Variants in ARHGEF11 observed in about 807,000 individuals in gnomAD.
ARHGEF11 encodes Rho guanine nucleotide exchange factor 11, also known as Rho guanine exchange factor (GEF) 11.
A neutral mutation model predicts 193.7 loss-of-function variants in ARHGEF11; 55 were observed. That is an observed-to-expected ratio of 0.28 (90% confidence interval 0.23 to 0.36). ARHGEF11 has a LOEUF of 0.36. Ranked by LOEUF, ARHGEF11 falls within the 10% of genes least tolerant of loss-of-function variation. The pLI is 1.00. For missense variants in ARHGEF11, 1,723 were observed against 2,005.6 expected (o/e 0.86, Z 2.69); for synonymous variants, 693 against 768.0 (o/e 0.90, Z 1.62).
In ARHGEF11 at chr1:156,963,597, G is replaced by A; in HGVS notation, c.964-3C>T. The A allele has an allele frequency of 2.5e-6, 4 of 1,613,332 alleles. No individual in the cohort carries two copies. The highest frequency in any genetic ancestry group is 3.4e-6 in the Non-Finnish European group (4 of 1,179,684). ...GGCTTTGGGCTTTGATCTACACCCTGGGGGAGAGAGTCAAATTGCAGAGAT... is the reference window on the plus strand; with the variant it reads ...GGCTTTGGGCTTTGATCTACACCCTAGGGGAGAGAGTCAAATTGCAGAGAT... On this transcript the variant is annotated splice_region_variant and splice_polypyrimidine_tract_variant and intron_variant, in intron 11 of 40. Coordinates refer to ENST00000368194, the MANE Select transcript of ARHGEF11 (RefSeq NM_198236.3).
At chr1:156,936,244 A>G in intron 40 of ARHGEF11, 186 bp from the exon 41 acceptor site, 1 of 774,784 alleles carries the variant, frequency 1.3e-6, no homozygotes, top group Non-Finnish European at 2.4e-6. Context: ...CAGCGCCTAA[A>G]GCCCTTAGGT....
At chr1:156,951,494 C>A in intron 22 of ARHGEF11, 79 bp downstream of exon 22, 1 of 1,568,994 alleles carries the variant, frequency 6.4e-7, no homozygotes, top group Admixed American at 1.8e-5. Flanking sequence ...GGTCAAGTAG[C>A]TGGAATTAAA....
At chr1:156,943,065 C>CTTTTTTTTTTT (rs112741222) in intron 32 of ARHGEF11, among the ~76,000 whole-genome samples, 1 of 140,446 alleles carries the variant, frequency 7.1e-6, no homozygotes, top group African/African-American at 2.8e-5. Context: ...AGTTATAAAA[C>CTTTTTTTTTTT]TTTTTTTTTT....
chr1:156,946,633 G>C, intron 28 of ARHGEF11, 29 bp downstream of exon 28: 1 of 1,613,726 alleles, frequency 6.2e-7, no homozygotes, highest in East Asian at 2.2e-5. Context: ...TGGAGATGAA[G>C]GAAGGCCAAG....
At chr1:157,008,696 T>C (rs1668198371) in intron 1 of ARHGEF11, among the ~76,000 whole-genome samples, 1 of 152,204 alleles carries the variant, frequency 6.6e-6, no homozygotes, top group Non-Finnish European at 1.5e-5. Flanking sequence ...AACTTTGTAT[T>C]ACACAAGGCC....
chr1:156,963,449 A>T, intron 12 of ARHGEF11, 71 bp downstream of exon 12: 1 of 1,550,504 alleles, frequency 6.4e-7, no homozygotes, highest in Non-Finnish European at 8.9e-7. Flanking sequence ...TGCTAGTCAA[A>T]CTGCTTCTAG....
intron 1 of ARHGEF11, among the ~76,000 whole-genome samples, chr1:157,029,261 T>TTTGTTGTTGTTGTTG (rs3082842): frequency 1.6e-4 from 24 of 150,420 alleles, no homozygotes; most frequent in African/African-American, 2.9e-4. Flanking sequence ...TTTGGTGGTT[T>TTTGTTGTTGTTGTTG]TTGTTGTTGT....
intron 7 of ARHGEF11, among the ~76,000 whole-genome samples, chr1:156,974,185 A>G: frequency 6.6e-6 from 1 of 151,966 alleles, no homozygotes; most frequent in Admixed American, 6.5e-5. Flanking sequence ...CTCCTACCTC[A>G]GCCTCCTAAG....
intron 21 of ARHGEF11, among the ~76,000 whole-genome samples, chr1:156,952,308 A>C (rs1659231064): frequency 1.3e-5 from 2 of 152,148 alleles, no homozygotes; most frequent in Admixed American, 1.3e-4. Context: ...CTAAGACAGA[A>C]GAGAGCTGTT....
chr1:156,936,871 C>A lies in ARHGEF11; in HGVS notation c.4575G>T (p.Glu1525Asp). The change falls in exon 40 of 41, where the codon GAG becomes GAT. Residue 1525 changes from glutamate to aspartate, a missense_variant. By Grantham distance (45) the Glu-to-Asp change is conservative. This residue lies in a region of ARHGEF11 where 360 missense variants were observed against 344.4 expected (regional missense o/e 1.05). Transcript: ENST00000368194. ...TDGSLSPPAK[E>D]PLASDSRNSH... ...TGTTCCTGGAGTCAGAAGCTAGGGG[C>A]TCCTTAGCGGGAGGTGAGAGGGAGC... 3 of 1,614,122 alleles carry A rather than the reference C, an allele frequency of 1.9e-6. No individual in the cohort carries two copies. Among genetic ancestry groups the A allele is most frequent in the East Asian group, 2.2e-5 (1 of 44,862 alleles).
intron 28 of ARHGEF11, 111 bp downstream of exon 28, chr1:156,946,551 A>G (rs1449285179): frequency 1.4e-6 from 2 of 1,444,702 alleles, no homozygotes; most frequent in Non-Finnish European, 9.6e-7. Flanking sequence ...GTCGAAGGGT[A>G]GAGGGAGTTG....
intron 1 of ARHGEF11, among the ~76,000 whole-genome samples, chr1:157,026,883 G>A (rs1200405481): frequency 6.6e-6 from 1 of 152,186 alleles, no homozygotes; most frequent in Non-Finnish European, 1.5e-5. Flanking sequence ...GATAACATGT[G>A]AGAAAACAAA....
At chr1:156,982,864 C>G (rs1664386710) in intron 3 of ARHGEF11, among the ~76,000 whole-genome samples, 1 of 152,168 alleles carries the variant, frequency 6.6e-6, no homozygotes, top group Admixed American at 6.5e-5. Flanking sequence ...CCAGGATATG[C>G]AAAACAAACC....
chr1:156,988,264 G>A (rs558065722), intron 1 of ARHGEF11, among the ~76,000 whole-genome samples: 1 of 152,284 alleles, frequency 6.6e-6, no homozygotes, highest in East Asian at 1.9e-4. Context: ...TGTGTCCCCA[G>A]TGCCTGACGC....
chr1:157,043,101 T>C (rs1427641282), intron 1 of ARHGEF11, among the ~76,000 whole-genome samples: 1 of 152,110 alleles, frequency 6.6e-6, no homozygotes, highest in Admixed American at 6.5e-5. Context: ...GATTAGTGCT[T>C]GAGAGAGAGA....
intron 7 of ARHGEF11, 134 bp from the exon 8 acceptor site, chr1:156,971,950 C>A: frequency 1.9e-6 from 2 of 1,025,848 alleles, no homozygotes; most frequent in Non-Finnish European, 2.8e-6. Flanking sequence ...TCTCTGCCTC[C>A]AAGTAGATGC....
chr1:156,942,213 T>G (rs1345071099), intron 33 of ARHGEF11, among the ~76,000 whole-genome samples: 1 of 152,220 alleles, frequency 6.6e-6, no homozygotes, highest in Non-Finnish European at 1.5e-5. Context: ...GTGCAAAGCA[T>G]TCTATGTTTT....
At chr1:156,945,373 A>G in intron 29 of ARHGEF11, 176 bp from the exon 30 acceptor site, 1 of 625,320 alleles carries the variant, frequency 1.6e-6, no homozygotes, top group South Asian at 2.0e-5. Context: ...GGTAACTTTT[A>G]CTGAGCATCT....
chr1:156,992,702 G>A (rs1173745057), intron 1 of ARHGEF11, among the ~76,000 whole-genome samples: 2 of 152,086 alleles, frequency 1.3e-5, no homozygotes, highest in Non-Finnish European at 2.9e-5. Context: ...AGAAGTTCTG[G>A]CATCCTCGAG....
Sources: gnomAD v4.1 joint callset for allele counts (sites outside exome capture counted in the v4.1 genomes callset) on GRCh38, gnomAD v4.1.1 for gene constraint, gnomAD v4.1.1 regional missense constraint, MANE v1.5 for transcripts, NCBI Gene and HGNC (gene_info 2026-07-23, HGNC 2026-07-21) for gene names.